The following DLC1 variants were observed in gnomAD, a reference collection of about 807,000 sequenced individuals.
DLC1 encodes DLC1 Rho GTPase activating protein.
Under a neutral mutation model 140.3 loss-of-function variants are expected in DLC1, and 54 were observed. That is an observed-to-expected ratio of 0.38 (90% CI 0.31 to 0.48). The LOEUF is 0.48. Among genes scored for constraint, DLC1 ranks in the 20% least tolerant of loss-of-function variants. The pLI is 0.96. For missense variants in DLC1, 2,536 were observed against 1,907.0 expected, an observed-to-expected ratio of 1.33 and a Z score of -6.14; for synonymous variants, 986 against 728.1, an observed-to-expected ratio of 1.35 and a Z score of -5.70.
rs532808157 is a variant in DLC1, at chr8:13,402,152, A to G, written c.1024-533T>C. ...CATTTAGCCACTGCTACTTAAAGAT[A>G]TATCCTTACTAAAATCTCTTCTCTT... On this transcript the variant is annotated intron_variant, in intron 2 of 17. Coordinates refer to ENST00000276297, the MANE Select transcript of DLC1 (RefSeq NM_182643.3). Among the ~76,000 whole-genome samples the G allele has an allele frequency of 2.0e-5, 3 of 152,344 alleles. No homozygotes were observed. In the South Asian group the frequency reaches 6.2e-4, roughly 32 times the overall value.
At chr8:13,397,127 C>T (rs573868681) in intron 3 of DLC1, among the ~76,000 whole-genome samples, 42 of 152,248 alleles carry the variant, frequency 2.8e-4, no homozygotes, top group African/African-American at 9.4e-4. Flanking sequence ...TACCACTCAA[C>T]TCTGGCCCAG....
chr8:13,206,311 C>T (rs191266002), intron 5 of DLC1, among the ~76,000 whole-genome samples: 15 of 152,110 alleles, frequency 9.9e-5, no homozygotes, highest in South Asian at 6.2e-4. Context: ...AAAACACAGT[C>T]GACATTGCAA....
chr8:13,461,107 G>C (rs577005203), intron 2 of DLC1, among the ~76,000 whole-genome samples: 1 of 152,342 alleles, frequency 6.6e-6, no homozygotes, highest in African/African-American at 2.4e-5. Flanking sequence ...TTACTCTAGA[G>C]GCTGAGGCAA....
chr8:13,601,182 A>G (rs1805870307), intron 1 of DLC1, among the ~76,000 whole-genome samples: 1 of 151,816 alleles, frequency 6.6e-6, no homozygotes, highest in African/African-American at 2.4e-5. Context: ...AGGAGTTCTA[A>G]TACAATAAGG....
chr8:13,508,125 T>G (rs1443155218), intron 1 of DLC1, among the ~76,000 whole-genome samples: 1 of 152,224 alleles, frequency 6.6e-6, no homozygotes, highest in Non-Finnish European at 1.5e-5. Flanking sequence ...TATTTTTACG[T>G]CCAGGTTGCT....
intron 4 of DLC1, among the ~76,000 whole-genome samples, chr8:13,353,146 C>G (rs1253377559): frequency 6.6e-6 from 1 of 152,204 alleles, no homozygotes; most frequent in African/African-American, 2.4e-5. Context: ...TTCCTCTTGT[C>G]TGCAAATGAG....
At chr8:13,271,205 C>T (rs972531694) in intron 5 of DLC1, among the ~76,000 whole-genome samples, 1 of 152,236 alleles carries the variant, frequency 6.6e-6, no homozygotes, top group Non-Finnish European at 1.5e-5. Context: ...AAAATCTCCT[C>T]TGGTGTTGCC....
chr8:13,285,749 A>T (rs918204922), intron 5 of DLC1, among the ~76,000 whole-genome samples: 3 of 152,180 alleles, frequency 2.0e-5, no homozygotes, highest in African/African-American at 7.2e-5. Context: ...GAAGTTTCTT[A>T]TAAAGTTAAA....
intron 4 of DLC1, among the ~76,000 whole-genome samples, chr8:13,367,590 GT>G (rs1388199869): frequency 6.6e-6 from 1 of 152,148 alleles, no homozygotes; most frequent in Non-Finnish European, 1.5e-5. Context: ...TTTGTGAAGG[GT>G]GTGTTTTCTT....
At chr8:13,211,666 G>C (rs1411702406) in intron 5 of DLC1, among the ~76,000 whole-genome samples, 1 of 152,148 alleles carries the variant, frequency 6.6e-6, no homozygotes, top group African/African-American at 2.4e-5. Context: ...TGTTTCCTCT[G>C]TCTATTAGAT....
At position 13,569,395 on chromosome 8, in the gene DLC1, C is replaced by A. The variant is rs149228116; in HGVS notation, c.-126+35142G>T. Among the ~76,000 whole-genome samples the A allele has an allele frequency of 5.6e-3, 851 of 152,212 alleles. 9 individuals are homozygous for A. The highest frequency in any genetic ancestry group is 0.019 in the African/African-American group (800 of 41,522). ...CCCCCATAAAATTTAGCATATTTCCCCTTAGTAAGTCATTCTAAATGGAAA... is the reference window on the plus strand; with the variant it reads ...CCCCCATAAAATTTAGCATATTTCCACTTAGTAAGTCATTCTAAATGGAAA... On this transcript the variant is annotated intron_variant, in intron 1 of 1. Transcript: ENST00000631382.
At chr8:13,443,078 A>T (rs1487760291) in intron 2 of DLC1, among the ~76,000 whole-genome samples, 2 of 151,972 alleles carry the variant, frequency 1.3e-5, no homozygotes, top group Non-Finnish European at 2.9e-5. Context: ...GCTGGAAACC[A>T]TCATTCTCAG....
intron 2 of DLC1, among the ~76,000 whole-genome samples, chr8:13,436,263 C>T (rs546347040): frequency 2.6e-5 from 4 of 152,298 alleles, no homozygotes; most frequent in East Asian, 3.9e-4. Context: ...GTAGGAAACA[C>T]GTTTTGCTGT....
intron 5 of DLC1, among the ~76,000 whole-genome samples, chr8:13,216,591 G>C (rs113575097): frequency 2.2e-4 from 34 of 152,122 alleles, no homozygotes; most frequent in African/African-American, 8.0e-4. Context: ...CCTTTCCTTC[G>C]TGTCATTTCC....
At chr8:13,344,163 T>C (rs935722095) in intron 4 of DLC1, among the ~76,000 whole-genome samples, 10 of 152,206 alleles carry the variant, frequency 6.6e-5, no homozygotes, top group African/African-American at 2.4e-4. Context: ...CTGAAGAAAG[T>C]ACAAAGATGA....
chr8:13,537,493 TC>T (rs1346448742), intron 1 of DLC1, among the ~76,000 whole-genome samples: 3 of 152,062 alleles, frequency 2.0e-5, no homozygotes, highest in Non-Finnish European at 4.4e-5. Context: ...TATGAATCAA[TC>T]TCAAGTCTTA....
At chr8:13,570,603 T>C (rs970127908) in intron 1 of DLC1, among the ~76,000 whole-genome samples, 2 of 150,664 alleles carry the variant, frequency 1.3e-5, no homozygotes, top group Non-Finnish European at 3.0e-5. Flanking sequence ...ATTTCACCCA[T>C]GTCCCTACAA....
At chr8:13,168,694 A>C (rs1825262201) in intron 5 of DLC1, among the ~76,000 whole-genome samples, 1 of 152,186 alleles carries the variant, frequency 6.6e-6, no homozygotes, top group African/African-American at 2.4e-5. Context: ...GAATAAGGAG[A>C]AACAATTGGC....
At chr8:13,237,223 G>GTT (rs1279174907) in intron 5 of DLC1, among the ~76,000 whole-genome samples, 1 of 121,374 alleles carries the variant, frequency 8.2e-6, no homozygotes, top group Non-Finnish European at 1.7e-5. Context: ...GTGTGTGTGT[G>GTT]TATACATATA....
Sources: gnomAD v4.1 joint callset for allele counts (sites outside exome capture counted in the v4.1 genomes callset) on GRCh38, gnomAD v4.1.1 for gene constraint, MANE v1.5 for transcripts, NCBI Gene and HGNC (gene_info 2026-07-23, HGNC 2026-07-21) for gene names.